Variants in HPS1 observed in about 807,000 individuals in gnomAD.
HPS1 encodes the protein HPS1 biogenesis of lysosomal organelles complex 3 subunit 1.
A neutral mutation model predicts 90.6 loss-of-function variants in HPS1; 59 were observed. The ratio of observed to expected loss-of-function variants is 0.65; its 90% CI spans 0.53 to 0.81. The LOEUF is 0.81. Among genes scored for constraint, HPS1 ranks in the 30% least tolerant of loss-of-function variants. The probability of loss-of-function intolerance (pLI) is 0.00; values close to 1 mark genes in which losing one functional copy is unlikely to be tolerated. For synonymous variants in HPS1, 388 were observed against 384.4 expected (o/e 1.01, Z -0.11); for missense variants, 849 against 896.7 (o/e 0.95, Z 0.68).
Position 98,435,659 on chromosome 10 carries a change from G to T in HPS1, c.231C>A (p.Gly77=). The T allele has an allele frequency of 6.2e-7, 1 of 1,614,216 alleles. No individual in the cohort carries two copies. Among genetic ancestry groups the T allele is most frequent in the Non-Finnish European group, 8.5e-7 (1 of 1,180,040 alleles). Residue 77 remains glycine (G), a synonymous_variant, in exon 4 of 20, where the codon GGC becomes GGA. Coordinates refer to ENST00000361490, the MANE Select transcript of HPS1 (RefSeq NM_000195.5). This position sits in a 1 kb window ranked among gnomAD's most constrained non-coding sequence, Gnocchi z 4.3. ...DTYTCFSTEN[G]NFLYVLHLFG... ...CCAGGTGAAGGACATACAGGAAGTT[G>T]CCATTTTCCGTGGAGAAGCAGGTGT... is the stretch of plus-strand genomic sequence containing the variant.
In HPS1 at chr10:98,423,751, A is replaced by C. The variant is rs780253781; in HGVS notation, c.1532+2T>G. 6.2e-7 allele frequency: 1 copy of C among 1,614,068 alleles called. No homozygotes were observed. Among genetic ancestry groups the C allele is most frequent in the Non-Finnish European group, 8.5e-7 (1 of 1,180,016 alleles). ...CCACCCAGGGGGCCGCACTGCACTTACCGCATGAGCCTCTGCACTTGGTCC... is the reference window on the plus strand; with the variant it reads ...CCACCCAGGGGGCCGCACTGCACTTCCCGCATGAGCCTCTGCACTTGGTCC... On this transcript the variant is annotated splice_donor_variant, in intron 15 of 19. Transcript: ENST00000361490. LOFTEE classifies it high-confidence loss of function.
At chr10:98,441,922 T>A (rs904150734) in intron 3 of HPS1, among the ~76,000 whole-genome samples, 2 of 152,216 alleles carry the variant, frequency 1.3e-5, no homozygotes, top group Non-Finnish European at 2.9e-5. Context: ...AGTTTGGCAG[T>A]TTATTAAAAA....
intron 3 of HPS1, chr10:98,442,907 T>A (rs1400160996): frequency 2.3e-5 from 14 of 600,304 alleles, no homozygotes; most frequent in East Asian, 2.3e-4. Context: ...CAGAGAGGAC[T>A]GGTGGGGTGT....
At chr10:98,419,865 C>A (rs1354998015) in intron 18 of HPS1, among the ~76,000 whole-genome samples, 180 bp downstream of exon 18, 1 of 152,244 alleles carries the variant, frequency 6.6e-6, no homozygotes, top group Non-Finnish European at 1.5e-5. Flanking sequence ...GATCACAAAG[C>A]AGTTAAACGC....
chr10:98,442,801 C>G (rs1217338196), intron 3 of HPS1: 1 of 375,964 alleles, frequency 2.7e-6, no homozygotes, highest in Non-Finnish European at 5.1e-6. Flanking sequence ...AGCCACCGCG[C>G]CCAGCCTTGT....
At chr10:98,446,596 C>T (rs1404866277) in intron 1 of HPS1, among the ~76,000 whole-genome samples, 4 of 152,210 alleles carry the variant, frequency 2.6e-5, no homozygotes, top group Non-Finnish European at 5.9e-5. Flanking sequence ...CCTAGCACGC[C>T]AGTTTCTGTC....
At chr10:98,415,632 A>C (rs539613397), downstream of HPS1, among the ~76,000 whole-genome samples, 21 of 152,368 alleles carry the variant, frequency 1.4e-4, no homozygotes, top group South Asian at 4.3e-3. Context: ...CTGCCAGTGC[A>C]GAGTGGTGAT....
chr10:98,441,772 A>T (rs1328700369), intron 3 of HPS1, among the ~76,000 whole-genome samples: 2 of 152,278 alleles, frequency 1.3e-5, no homozygotes, highest in Non-Finnish European at 2.9e-5. Context: ...AATGAAATTT[A>T]AAACACAGTG....
Position 98,417,758 on chromosome 10 carries a change from G to T in HPS1, c.1941-32C>A. 6.2e-7 allele frequency: 1 copy of T among 1,609,056 alleles called. No homozygotes were observed. The highest frequency in any genetic ancestry group is 2.2e-5 in the East Asian group (1 of 44,838). ...AGGAAGGGGAGGATGGGATTCAGGA[G>T]TGAGGCTGTGGCACTCCTCCAGCGC... On this transcript the variant is annotated intron_variant, in intron 19 of 19. Transcript: ENST00000361490. The surrounding 1 kb of genome is among the most constrained non-coding windows in gnomAD (Gnocchi z 4.2).
At position 98,429,237 on chromosome 10, in the gene HPS1, T is replaced by C. The variant is rs909559991; in HGVS notation, c.937+336A>G. 5.4e-6 allele frequency: 6 copies of C among 1,114,416 alleles called. No individual in the cohort carries two copies. The African/African-American group carries it at 8.1e-5, about 15-fold the overall frequency. 69.0% of individuals were successfully genotyped at this position (1,114,416 alleles called of 1,614,324 possible). On this transcript the variant is annotated intron_variant, in intron 10 of 19. Transcript: ENST00000361490. ...GATGCTGAATATATTTTAGAATGTA[T>C]AGAAATTAGATGATTATTACTAAAT...
chr10:98,420,307 C>T lies in HPS1; in HGVS notation c.1744-149G>A, dbSNP rs79579720. 4.6e-3 allele frequency: 3,160 copies of T among 690,618 alleles called. 66 individuals carry two copies. The African/African-American group carries it at 0.049, about 11-fold the overall frequency. 42.8% of individuals were successfully genotyped at this position (690,618 alleles called of 1,614,324 possible). A position where few individuals can be genotyped will look rare whatever the true frequency, so the allele number is the denominator to read the frequency against. On this transcript the variant is annotated intron_variant, in intron 17 of 19. Coordinates refer to ENST00000361490, the MANE Select transcript of HPS1 (RefSeq NM_000195.5). ...ACCCGGGCACTGCCTTGGCTCAGAG[C>T]AGGAGGCTCAACAATAAATCATTAT...
chr10:98,434,278 C>T (rs903354815), intron 5 of HPS1, among the ~76,000 whole-genome samples, 187 bp from the exon 6 acceptor site: 3 of 152,052 alleles, frequency 2.0e-5, no homozygotes, highest in Admixed American at 6.6e-5. Context: ...GGGATAGGCA[C>T]GGAGCCGGAA....
At chr10:98,431,660 T>C (rs1197058179) in intron 6 of HPS1, among the ~76,000 whole-genome samples, 2 of 152,096 alleles carry the variant, frequency 1.3e-5, no homozygotes, top group African/African-American at 2.4e-5. Flanking sequence ...AACAACCAGA[T>C]GGCCCACCAG....
intron 17 of HPS1, among the ~76,000 whole-genome samples, chr10:98,421,683 T>C (rs1255661310): frequency 6.6e-6 from 1 of 152,214 alleles, no homozygotes; most frequent in Non-Finnish European, 1.5e-5. Context: ...CACCAGTAAG[T>C]ACTGAATGAA....
downstream of HPS1, among the ~76,000 whole-genome samples, chr10:98,416,009 CT>C (rs374624555): frequency 1.9e-3 from 292 of 152,262 alleles, 1 homozygote; most frequent in Non-Finnish European, 3.6e-3. Context: ...GAGTGTTCCC[CT>C]AGGAGGAAAA....
chr10:98,429,656 G>C lies in HPS1; in HGVS notation c.868-14C>G. On this transcript the variant is annotated splice_polypyrimidine_tract_variant and intron_variant, in intron 9 of 19. Coordinates refer to ENST00000361490, the MANE Select transcript of HPS1 (RefSeq NM_000195.5). ...GCTGTCTGTCTCCTGGAATGGAGAA[G>C]GTGGCTCAGGTTGAGAGGCTCTCCC... The C allele has an allele frequency of 6.2e-7, 1 of 1,614,170 alleles. No individual in the cohort carries two copies. The highest frequency in any genetic ancestry group is 8.5e-7 in the Non-Finnish European group (1 of 1,180,018).
In HPS1 at chr10:98,443,820, G is replaced by A. The variant is rs1338155336; in HGVS notation, c.1-580C>T. Among the ~76,000 whole-genome samples the A allele has an allele frequency of 7.9e-5, 12 of 152,292 alleles. No homozygotes were observed. The East Asian group carries it at 2.3e-3, about 29-fold the overall frequency. ...GGCCAAGGGGGGTGGATCACCTGAAGTCAGGAGTTCGAGACCAGCCTGGCC... is the reference window on the plus strand; with the variant it reads ...GGCCAAGGGGGGTGGATCACCTGAAATCAGGAGTTCGAGACCAGCCTGGCC... On this transcript the variant is annotated intron_variant, in intron 2 of 19. Coordinates refer to ENST00000361490, the MANE Select transcript of HPS1 (RefSeq NM_000195.5).
chr10:98,419,114 C>T (rs1844506451), intron 18 of HPS1, among the ~76,000 whole-genome samples: 1 of 151,876 alleles, frequency 6.6e-6, no homozygotes, highest in South Asian at 2.1e-4. Context: ...AGCCACTTTA[C>T]AGGGCTGTGA....
At chr10:98,416,006 C>T (rs528671446), downstream of HPS1, among the ~76,000 whole-genome samples, 90 of 152,274 alleles carry the variant, frequency 5.9e-4, no homozygotes, top group African/African-American at 2.1e-3. Context: ...GCAGAGTGTT[C>T]CCCTAGGAGG....
Sources: gnomAD v4.1 joint callset for allele counts (sites outside exome capture counted in the v4.1 genomes callset) on GRCh38, gnomAD v4.1.1 for gene constraint, Gnocchi (gnomAD v3.1) non-coding constraint, MANE v1.5 for transcripts, NCBI Gene and HGNC (gene_info 2026-07-23, HGNC 2026-07-21) for gene names.